GABBR2: variants seen among roughly 807,000 people sequenced by gnomAD.
GABBR2 encodes gamma-aminobutyric acid type B receptor subunit 2.
A neutral mutation model predicts 105.6 loss-of-function variants in GABBR2; 23 were observed. The observed-to-expected ratio is 0.22, with a 90% confidence interval of 0.16 to 0.31. GABBR2 has a LOEUF of 0.31. GABBR2 is among the 10% of genes least tolerant of loss of function. GABBR2 has a pLI of 1.00. For synonymous variants in GABBR2, 478 were observed against 499.7 expected (o/e 0.96, Z 0.58); for missense variants, 734 against 1,245.5 (o/e 0.59, Z 6.18).
At chr9:98,643,277 C>A (rs1366035781) in intron 1 of GABBR2, among the ~76,000 whole-genome samples, 1 of 152,202 alleles carries the variant, frequency 6.6e-6, no homozygotes, top group Admixed American at 6.5e-5. Context: ...TAGAGAGTGC[C>A]CAAGAGCGAT....
intron 3 of GABBR2, among the ~76,000 whole-genome samples, chr9:98,537,247 T>C (rs1828199240): frequency 6.6e-6 from 1 of 152,194 alleles, no homozygotes; most frequent in Non-Finnish European, 1.5e-5. Context: ...TGCCACAGCA[T>C]GATGTGCCTC....
At chr9:98,345,913 T>C (rs1341511372) in intron 13 of GABBR2, among the ~76,000 whole-genome samples, 2 of 152,262 alleles carry the variant, frequency 1.3e-5, no homozygotes, top group Non-Finnish European at 2.9e-5. Context: ...ATAAAAGTTA[T>C]GTTGACACTA....
intron 2 of GABBR2, among the ~76,000 whole-genome samples, chr9:98,572,888 G>C (rs932856900): frequency 6.6e-6 from 1 of 152,166 alleles, no homozygotes; most frequent in East Asian, 1.9e-4. Flanking sequence ...TCCACGTCCA[G>C]TTGCAGCCGT....
chr9:98,294,525 C>T (rs533190788), intron 17 of GABBR2, among the ~76,000 whole-genome samples: 18 of 150,354 alleles, frequency 1.2e-4, no homozygotes, highest in Middle Eastern at 6.8e-3. Context: ...TCACTCAGAT[C>T]GTGCCACCAG....
intron 3 of GABBR2, among the ~76,000 whole-genome samples, chr9:98,497,351 T>C (rs1281549356): frequency 1.3e-5 from 2 of 152,230 alleles, no homozygotes; most frequent in African/African-American, 4.8e-5. Flanking sequence ...TTCTGATTTT[T>C]GAGGGGAGAA....
intron 3 of GABBR2, among the ~76,000 whole-genome samples, chr9:98,504,729 G>A (rs996261876): frequency 6.6e-6 from 1 of 152,186 alleles, no homozygotes; most frequent in South Asian, 2.1e-4. Flanking sequence ...GTCTTCACTT[G>A]ATTAAACAGT....
chr9:98,514,492 C>T (rs1340351267), intron 3 of GABBR2, among the ~76,000 whole-genome samples: 1 of 150,378 alleles, frequency 6.6e-6, no homozygotes, highest in Admixed American at 6.6e-5. Context: ...AGTTCATGTC[C>T]TTTGCAGGGA....
intron 9 of GABBR2, among the ~76,000 whole-genome samples, chr9:98,391,307 C>T (rs1329161348): frequency 6.6e-6 from 1 of 152,176 alleles, no homozygotes; most frequent in African/African-American, 2.4e-5. Context: ...ACCCAACAGC[C>T]TCAGGGGTAG....
intron 12 of GABBR2, among the ~76,000 whole-genome samples, chr9:98,366,942 A>G (rs559214874): frequency 6.6e-6 from 1 of 152,330 alleles, no homozygotes; most frequent in South Asian, 2.1e-4. Flanking sequence ...CAACACTTCC[A>G]TTTGGTCCTA....
At chr9:98,336,670 C>A (rs1477636367) in intron 13 of GABBR2, among the ~76,000 whole-genome samples, 1 of 47,538 alleles carries the variant, frequency 2.1e-5, no homozygotes, top group Non-Finnish European at 4.7e-5. Context: ...ACGCCACTGA[C>A]TCCAGCCTGA....
At chr9:98,668,597 ACCAC>A (rs1476914085) in intron 1 of GABBR2, among the ~76,000 whole-genome samples, 1 of 1,412 alleles carries the variant, frequency 7.1e-4, no homozygotes, top group East Asian at 0.011. Context: ...TTGTACAACC[ACCAC>A]CACCACCATC....
chr9:98,423,011 T>C (rs1832811597), intron 7 of GABBR2, among the ~76,000 whole-genome samples: 1 of 152,216 alleles, frequency 6.6e-6, no homozygotes, highest in Admixed American at 6.5e-5. Context: ...CAGTCTATCA[T>C]TGTTGGACAT....
intron 1 of GABBR2, among the ~76,000 whole-genome samples, chr9:98,599,705 C>T (rs1829296616): frequency 6.6e-6 from 1 of 152,166 alleles, no homozygotes; most frequent in African/African-American, 2.4e-5. Flanking sequence ...AGTGACCTGC[C>T]CAAGGAGGCT....
At chr9:98,456,269 C>T (rs1000186056) in intron 6 of GABBR2, among the ~76,000 whole-genome samples, 1 of 152,182 alleles carries the variant, frequency 6.6e-6, no homozygotes, top group Non-Finnish European at 1.5e-5. Flanking sequence ...GGGCTTTGCA[C>T]AAGCTGTTTC....
At chr9:98,313,730 G>C (rs1830670840) in intron 13 of GABBR2, among the ~76,000 whole-genome samples, 1 of 151,058 alleles carries the variant, frequency 6.6e-6, no homozygotes, top group Non-Finnish European at 1.5e-5. Flanking sequence ...CTGAGGGTAA[G>C]GCATGGGCAT....
intron 2 of GABBR2, among the ~76,000 whole-genome samples, chr9:98,554,607 A>G (rs1400921150): frequency 2.0e-5 from 3 of 152,164 alleles, no homozygotes; most frequent in Non-Finnish European, 4.4e-5. Flanking sequence ...ATAATAGCAA[A>G]ACCAATATCC....
In GABBR2 at chr9:98,444,784, G is replaced by C. The variant is rs561103278; in HGVS notation, c.1236+9197C>G. Reference sequence around the variant, plus strand: ...GCTTATGGGAGAAACGAGAGATTGAGAGGGGAGTAAGGGATGAGTTTTTAT... The same window carrying C: ...GCTTATGGGAGAAACGAGAGATTGACAGGGGAGTAAGGGATGAGTTTTTAT... On this transcript the variant is annotated intron_variant, in intron 7 of 18. Coordinates refer to ENST00000259455, the MANE Select transcript of GABBR2 (RefSeq NM_005458.8). 5.8e-4 allele frequency among the ~76,000 whole-genome samples: 89 copies of C among 152,352 alleles called. 1 individual carries two copies. The highest frequency in any genetic ancestry group is 4.8e-3 in the East Asian group (25 of 5,182).
chr9:98,294,122 G>C (rs1381926773), intron 17 of GABBR2, among the ~76,000 whole-genome samples: 2 of 152,202 alleles, frequency 1.3e-5, no homozygotes, highest in Non-Finnish European at 2.9e-5. Flanking sequence ...ATGTGCTGGG[G>C]ATGTGTGTGG....
At chr9:98,685,664 T>C (rs1015113769) in intron 1 of GABBR2, among the ~76,000 whole-genome samples, 7 of 152,320 alleles carry the variant, frequency 4.6e-5, no homozygotes, top group Non-Finnish European at 8.8e-5. Context: ...ACAAACAGTG[T>C]CTCCTTGATT....
Sources: gnomAD v4.1 joint callset for allele counts (sites outside exome capture counted in the v4.1 genomes callset) on GRCh38, gnomAD v4.1.1 for gene constraint, MANE v1.5 for transcripts, NCBI Gene and HGNC (gene_info 2026-07-23, HGNC 2026-07-21) for gene names.